Variants in CES5A observed in about 807,000 individuals in gnomAD.
CES5A encodes carboxylesterase 5A, also known as carboxylesterase 5.
CES5A carries 67 observed loss-of-function variants against 62.9 expected under a neutral mutation model. That is an observed-to-expected ratio of 1.07 (90% CI 0.88 to 1.31). The LOEUF (loss-of-function observed/expected upper bound fraction) is 1.31, where lower values mean the gene tolerates loss of function less well. CES5A is among the 50% of genes most tolerant of loss of function. CES5A has a pLI of 0.00. For synonymous variants in CES5A, 296 were observed against 280.8 expected, an observed-to-expected ratio of 1.05 and a Z score of -0.54; for missense variants, 748 against 708.5, an observed-to-expected ratio of 1.06 and a Z score of -0.63.
rs2033295599 is a variant in CES5A at position 55,858,843 on chromosome 16, C to A, written c.1056+704G>T. On this transcript the variant is annotated intron_variant, in intron 8 of 12. Transcript: ENST00000290567. Reference sequence around the variant, plus strand: ...GCCACGGAATCAAAAAATCATGGGTCTTTCCCAGCACCTGGGCCTCAGCTC... The same window carrying A: ...GCCACGGAATCAAAAAATCATGGGTATTTCCCAGCACCTGGGCCTCAGCTC... 2.6e-5 allele frequency among the ~76,000 whole-genome samples: 4 copies of A among 152,322 alleles called. No individual in the cohort carries two copies. In the East Asian group the frequency reaches 7.7e-4, roughly 29 times the overall value.
At chr16:55,850,500 T>C (rs2033109516) in intron 10 of CES5A, among the ~76,000 whole-genome samples, 1 of 152,226 alleles carries the variant, frequency 6.6e-6, no homozygotes, top group Non-Finnish European at 1.5e-5. Context: ...GTGCCTGACT[T>C]CTTTCACTTA....
At chr16:55,940,503 C>T (rs1467424062) in intron 2 of CES5A, among the ~76,000 whole-genome samples, 2 of 151,784 alleles carry the variant, frequency 1.3e-5, no homozygotes, top group Non-Finnish European at 2.9e-5. Flanking sequence ...CCTAAATAGT[C>T]CTATACTTAT....
chr16:55,861,419 A>C lies in CES5A; in HGVS notation c.908T>G (p.Leu303Arg), dbSNP rs751330103. The change falls in exon 7 of 13, where the codon CTC (leucine) becomes CGC (arginine). Residue 303 changes from leucine (L) to arginine (R), a missense_variant. Leu to Arg is a moderately radical substitution (Grantham distance 102, BLOSUM62 -2). Transcript: ENST00000290567. ...TGCCCCCTCTGTCCTCACCTGGCTG[A>C]GGGTCAGCAGCTCCTTGGAGGGTTT... ...RTKPSKELLT[L>R]SQKTKSFTRV... 7.5e-6 allele frequency: 12 copies of C among 1,610,162 alleles called. 1 individual carries two copies. The highest frequency in any genetic ancestry group is 2.2e-5 in the East Asian group (1 of 44,866).
chr16:55,905,007 G>A (rs2034025835), intron 1 of CES5A, among the ~76,000 whole-genome samples: 2 of 152,198 alleles, frequency 1.3e-5, no homozygotes, highest in African/African-American at 2.4e-5. Context: ...TGAATAGATT[G>A]ACAAAAATCA....
chr16:55,910,803 C>G (rs538601766), intron 1 of CES5A, among the ~76,000 whole-genome samples: 72 of 148,800 alleles, frequency 4.8e-4, no homozygotes, highest in Non-Finnish European at 9.9e-4. Flanking sequence ...TTTCTGTACC[C>G]TCTGGCCCAG....
chr16:55,865,239 G>T (rs1597120300), intron 5 of CES5A, among the ~76,000 whole-genome samples: 1 of 152,160 alleles, frequency 6.6e-6, no homozygotes, highest in African/African-American at 2.4e-5. Flanking sequence ...CCATATATGT[G>T]TGTGTATGTA....
intron 1 of CES5A, among the ~76,000 whole-genome samples, chr16:55,897,967 C>T (rs1397091719): frequency 6.6e-6 from 1 of 152,224 alleles, no homozygotes; most frequent in African/African-American, 2.4e-5. Flanking sequence ...AAAAGCCAAG[C>T]ATGAAAAGCA....
At chr16:55,867,047 A>G (rs1219262594) in intron 4 of CES5A, among the ~76,000 whole-genome samples, 1 of 151,984 alleles carries the variant, frequency 6.6e-6, no homozygotes, top group Non-Finnish European at 1.5e-5. Context: ...ACCTCTAGGA[A>G]TGACATCACC....
At chr16:55,937,460 C>T (rs553587371) in intron 2 of CES5A, among the ~76,000 whole-genome samples, 107 of 152,348 alleles carry the variant, frequency 7.0e-4, no homozygotes, top group Non-Finnish European at 1.3e-3. Context: ...CATTCCATTG[C>T]CCGCAGCAAG....
intron 3 of CES5A, 34 bp from the exon 4 acceptor site, chr16:55,869,778 C>A (rs1385469687): frequency 1.9e-6 from 3 of 1,571,622 alleles, no homozygotes; most frequent in Non-Finnish European, 1.7e-6. Context: ...AGTCAGCCCA[C>A]CAGGCACCAC....
intron 8 of CES5A, among the ~76,000 whole-genome samples, chr16:55,858,066 G>C (rs144800710): frequency 6.6e-6 from 1 of 152,178 alleles, no homozygotes; most frequent in Non-Finnish European, 1.5e-5. Context: ...GGGCATGGTG[G>C]TGGGTGCCTG....
intron 2 of CES5A, among the ~76,000 whole-genome samples, chr16:55,939,224 A>C (rs2034421055): frequency 6.6e-6 from 1 of 152,226 alleles, no homozygotes; most frequent in Non-Finnish European, 1.5e-5. Context: ...GTACAATTTA[A>C]ATCACATGCT....
chr16:55,897,524 G>A (rs1199819161), intron 1 of CES5A, among the ~76,000 whole-genome samples: 1 of 152,182 alleles, frequency 6.6e-6, no homozygotes, highest in Non-Finnish European at 1.5e-5. Context: ...TCCTATGGAA[G>A]CCAGCCTTGT....
intron 2 of CES5A, among the ~76,000 whole-genome samples, chr16:55,932,577 C>A (rs538980440): frequency 7.2e-6 from 1 of 139,612 alleles, no homozygotes; most frequent in East Asian, 2.1e-4. Context: ...GGAGGGTGGG[C>A]AACTCTGGAT....
chr16:55,952,852 T>C (rs2034573033), intron 1 of CES5A, among the ~76,000 whole-genome samples: 1 of 152,010 alleles, frequency 6.6e-6, no homozygotes, highest in Non-Finnish European at 1.5e-5. Flanking sequence ...AAATCCATAA[T>C]CCCATGTGAT....
intron 1 of CES5A, among the ~76,000 whole-genome samples, chr16:55,954,968 C>A (rs964210489): frequency 6.6e-6 from 1 of 152,144 alleles, no homozygotes; most frequent in Non-Finnish European, 1.5e-5. Context: ...TTCTCTGGAC[C>A]TTAGCTTCTC....
At chr16:55,955,801 G>T (rs2034603259) in intron 1 of CES5A, 2 of 1,529,138 alleles carry the variant, frequency 1.3e-6, no homozygotes, top group Non-Finnish European at 1.8e-6. Context: ...CAGTGGGTTT[G>T]GGGGTGGGGT....
Position 55,866,658 on chromosome 16 carries a change from T to TAAAAA in CES5A, c.552-547_552-543dup, listed in dbSNP as rs369679801. ...TAATATAGTGAAACTCTGTCTCTGCTAAAAAAAAAAAAAAAAAAAATACAA... is the reference window on the plus strand; with the variant it reads ...TAATATAGTGAAACTCTGTCTCTGCTAAAAAAAAAAAAAAAAAAAAAAAAATACAA... On this transcript the variant is annotated intron_variant, in intron 4 of 12. Transcript: ENST00000290567. Among the ~76,000 whole-genome samples, 81 of 82,778 alleles carry TAAAAA rather than the reference T, an allele frequency of 9.8e-4. 1 individual carries two copies. The highest frequency in any genetic ancestry group is 2.1e-3 in the South Asian group (5 of 2,402). The allele number at this position is 82,778 out of a possible 152,430, so 54.3% of individuals were successfully genotyped here.
intron 1 of CES5A, among the ~76,000 whole-genome samples, chr16:55,888,117 A>AT (rs2033836477): frequency 6.6e-6 from 1 of 152,154 alleles, no homozygotes; most frequent in Admixed American, 6.6e-5. Context: ...GCTTGCTTTC[A>AT]GTCCTGCCAG....
Sources: gnomAD v4.1 joint callset for allele counts (sites outside exome capture counted in the v4.1 genomes callset) on GRCh38, gnomAD v4.1.1 for gene constraint, MANE v1.5 for transcripts, NCBI Gene and HGNC (gene_info 2026-07-23, HGNC 2026-07-21) for gene names.